Variants in PIGL observed in about 807,000 individuals in gnomAD.
The protein encoded by PIGL is N-acetylglucosaminyl-phosphatidylinositol de-N-acetylase.
A neutral mutation model predicts 31.1 loss-of-function variants in PIGL; 22 were observed. The ratio of observed to expected loss-of-function variants is 0.71; its 90% confidence interval spans 0.51 to 1.01. PIGL has a LOEUF of 1.01. Among genes scored for constraint, PIGL ranks in the 50% least tolerant of loss-of-function variants. PIGL has a pLI of 0.00. For missense variants in PIGL, 302 were observed against 315.9 expected (o/e 0.96, Z 0.33); for synonymous variants, 131 against 117.4 (o/e 1.12, Z -0.75).
In PIGL at chr17:16,217,237, T is replaced by A. The variant is rs773330334; in HGVS notation, c.11T>A (p.Met4Lys). 1.1e-5 allele frequency: 17 copies of A among 1,614,060 alleles called. No homozygotes were observed. The highest frequency in any genetic ancestry group is 1.4e-5 in the Non-Finnish European group (17 of 1,179,954). The part of the protein sequence containing the change: MEA[M>K]WLLCVALAVL... Reference sequence around the variant, plus strand: ...TGCTGCTTACCCATCATGGAAGCAATGTGGCTCCTGTGTGTGGCGTTGGCG... The same window carrying A: ...TGCTGCTTACCCATCATGGAAGCAAAGTGGCTCCTGTGTGTGGCGTTGGCG... Residue 4 changes from methionine (M) to lysine (K), a missense_variant, in exon 1 of 7, where the codon ATG becomes AAG. By Grantham distance (95) the Met-to-Lys change is moderately conservative (BLOSUM62 -1). Coordinates refer to ENST00000225609, the MANE Select transcript of PIGL (RefSeq NM_004278.4).
At chr17:16,281,147 T>C (rs754092495) in intron 2 of PIGL, among the ~76,000 whole-genome samples, 3 of 152,216 alleles carry the variant, frequency 2.0e-5, no homozygotes, top group Non-Finnish European at 4.4e-5. Context: ...ATGTTTCAGA[T>C]TATTATTTAA....
intron 2 of PIGL, among the ~76,000 whole-genome samples, chr17:16,297,653 C>T (rs183912235): frequency 6.6e-5 from 10 of 152,320 alleles, no homozygotes; most frequent in African/African-American, 2.4e-4. Flanking sequence ...TATTCAGCTC[C>T]ATTTCCAGGA....
chr17:16,245,349 A>G (rs2092740241), intron 2 of PIGL, among the ~76,000 whole-genome samples: 1 of 150,962 alleles, frequency 6.6e-6, no homozygotes, highest in Admixed American at 6.6e-5. Flanking sequence ...CTGGTCTTGA[A>G]GTCCTGAACT....
In PIGL at chr17:16,266,424, A is replaced by G. The variant is rs543104895; in HGVS notation, c.335+32354A>G. Among the ~76,000 whole-genome samples the G allele has an allele frequency of 1.7e-4, 25 of 148,188 alleles. 1 individual carries two copies. The highest frequency in any genetic ancestry group is 5.9e-4 in the African/African-American group (24 of 40,404). Reference sequence around the variant, plus strand: ...AAAAAAAAAAGAATGAATATCTTCTATTACTTCATTTATTGTGCCAGGTAC... The same window carrying G: ...AAAAAAAAAAGAATGAATATCTTCTGTTACTTCATTTATTGTGCCAGGTAC... On this transcript the variant is annotated intron_variant, in intron 2 of 6. Transcript: ENST00000225609.
intron 2 of PIGL, among the ~76,000 whole-genome samples, chr17:16,292,019 A>C (rs890285303): frequency 2.6e-5 from 4 of 151,654 alleles, no homozygotes; most frequent in Non-Finnish European, 5.9e-5. Flanking sequence ...AGATTTTTCA[A>C]AGTAATGGAG....
chr17:16,280,228 G>C (rs1481583830), intron 2 of PIGL, among the ~76,000 whole-genome samples: 1 of 152,178 alleles, frequency 6.6e-6, no homozygotes, highest in Admixed American at 6.5e-5. Flanking sequence ...CCCACCAAAT[G>C]GTGCCTGCAT....
intron 2 of PIGL, among the ~76,000 whole-genome samples, chr17:16,269,514 G>A (rs184304067): frequency 6.6e-6 from 1 of 152,264 alleles, no homozygotes; most frequent in Admixed American, 6.5e-5. Flanking sequence ...AGCTGGGTGT[G>A]TTGGCATGTG....
At chr17:16,217,613 CAG>C in intron 1 of PIGL, 152 bp downstream of exon 1, 1 of 616,766 alleles carries the variant, frequency 1.6e-6, no homozygotes. Context: ...AGCCTAGGGA[CAG>C]GAGCGGCCGG....
At chr17:16,321,094 C>A (rs150164941) in intron 6 of PIGL, among the ~76,000 whole-genome samples, 1 of 151,878 alleles carries the variant, frequency 6.6e-6, no homozygotes, top group Non-Finnish European at 1.5e-5. Flanking sequence ...CATGCCACCA[C>A]GCCTAGCTAA....
chr17:16,253,978 A>C (rs2092783147), intron 2 of PIGL, among the ~76,000 whole-genome samples: 1 of 151,746 alleles, frequency 6.6e-6, no homozygotes, highest in African/African-American at 2.4e-5. Context: ...CCAGTACCCC[A>C]ATCTATGTCT....
At chr17:16,241,287 G>A (rs115172718) in intron 2 of PIGL, among the ~76,000 whole-genome samples, 62 of 151,794 alleles carry the variant, frequency 4.1e-4, no homozygotes, top group African/African-American at 1.3e-3. Flanking sequence ...GCATATGGGA[G>A]GATGAAAGTC....
At chr17:16,272,830 G>T (rs746541876) in intron 2 of PIGL, among the ~76,000 whole-genome samples, 5 of 151,924 alleles carry the variant, frequency 3.3e-5, no homozygotes, top group African/African-American at 1.2e-4. Flanking sequence ...CACTTGGGTC[G>T]GTCACCTTCA....
At chr17:16,231,418 T>G (rs1328909452) in intron 1 of PIGL, among the ~76,000 whole-genome samples, 2 of 151,670 alleles carry the variant, frequency 1.3e-5, no homozygotes, top group Non-Finnish European at 2.9e-5. Context: ...AAATTTTTCT[T>G]TTGTGAAAAC....
intron 2 of PIGL, chr17:16,282,129 C>T (rs1240361997): frequency 4.3e-6 from 2 of 467,864 alleles, no homozygotes; most frequent in African/African-American, 2.0e-5. Context: ...TGAGCATCAC[C>T]AGACAGGGTC....
intron 1 of PIGL, 171 bp downstream of exon 1, chr17:16,217,632 T>C (rs2092596558): frequency 5.6e-6 from 3 of 539,958 alleles, no homozygotes; most frequent in South Asian, 5.8e-5. Flanking sequence ...CCGGCTTACC[T>C]GGTGGGTTGG....
intron 2 of PIGL, among the ~76,000 whole-genome samples, chr17:16,234,747 AG>A (rs1340760308): frequency 6.6e-6 from 1 of 152,242 alleles, no homozygotes; most frequent in African/African-American, 2.4e-5. Context: ...CCTGGATGAG[AG>A]AGCAAGACTC....
At chr17:16,305,835 A>T (rs1368654922) in intron 3 of PIGL, among the ~76,000 whole-genome samples, 3 of 152,176 alleles carry the variant, frequency 2.0e-5, no homozygotes, top group African/African-American at 7.2e-5. Flanking sequence ...CTAGGCTGGA[A>T]TGCAGTGGTG....
At chr17:16,246,672 CTTTTTTT>C (rs1197171634) in intron 2 of PIGL, among the ~76,000 whole-genome samples, 3,571 of 64,174 alleles carry the variant, frequency 0.056, 188 homozygotes, top group African/African-American at 0.16. Flanking sequence ...AGATCAAGGT[CTTTTTTT>C]TTTTTTTTTT....
intron 1 of PIGL, 169 bp downstream of exon 1, chr17:16,217,630 C>CACAGTA: frequency 5.5e-6 from 3 of 540,658 alleles, no homozygotes; most frequent in Non-Finnish European, 9.7e-6. Flanking sequence ...GGCCGGCTTA[C>CACAGTA]CTGGTGGGTT....
Sources: allele counts gnomAD v4.1 joint callset (sites outside exome capture counted in the v4.1 genomes callset), GRCh38; gene constraint gnomAD v4.1.1; transcripts MANE v1.5; gene names NCBI Gene and HGNC (gene_info 2026-07-23, HGNC 2026-07-21).